ASTN2: variants seen among roughly 807,000 people sequenced by gnomAD.
ASTN2 encodes the protein astrotactin-2.
A neutral mutation model predicts 139.8 loss-of-function variants in ASTN2; 54 were observed. The observed-to-expected ratio is 0.39, with a 90% CI of 0.31 to 0.48. The LOEUF is 0.48. ASTN2 is among the 20% of genes least tolerant of loss of function. The pLI is 0.95. For missense variants in ASTN2, 1,565 were observed against 1,725.1 expected (o/e 0.91, Z 1.64); for synonymous variants, 756 against 719.5 (o/e 1.05, Z -0.81).
At chr9:116,617,535 CA>C (rs1020443533) in intron 19 of ASTN2, among the ~76,000 whole-genome samples, 3 of 152,182 alleles carry the variant, frequency 2.0e-5, no homozygotes, top group African/African-American at 7.2e-5. Flanking sequence ...GGCGATACCA[CA>C]AGCTGAATAA....
At chr9:116,571,885 T>C (rs1193537087) in intron 19 of ASTN2, among the ~76,000 whole-genome samples, 2 of 152,268 alleles carry the variant, frequency 1.3e-5, no homozygotes, top group East Asian at 3.9e-4. Flanking sequence ...CCCTGTTGGG[T>C]GATGTGCTCA....
rs9299245 is a variant in ASTN2, at chr9:117,147,015, C to T, written c.1016-5537G>A. On this transcript the variant is annotated intron_variant, in intron 3 of 22. Coordinates refer to ENST00000313400, the MANE Select transcript of ASTN2 (RefSeq NM_001365068.1). ...TATATCAAAATATCATACCGTACCC[C>T]ATAAGTCTGTACAATTATTATGTGT... Among the ~76,000 whole-genome samples, 702 of 152,154 alleles carry T rather than the reference C, an allele frequency of 4.6e-3. 7 individuals carry two copies. Among genetic ancestry groups the T allele is most frequent in the African/African-American group, 0.016 (658 of 41,518 alleles).
chr9:116,447,856 A>C (rs1401967359), intron 20 of ASTN2, among the ~76,000 whole-genome samples: 2 of 152,190 alleles, frequency 1.3e-5, no homozygotes, highest in Non-Finnish European at 2.9e-5. Flanking sequence ...TTCACCCCCA[A>C]CTGGAGTAAG....
intron 2 of ASTN2, among the ~76,000 whole-genome samples, chr9:117,251,581 T>C (rs1368098202): frequency 1.3e-5 from 2 of 152,178 alleles, no homozygotes; most frequent in Admixed American, 6.5e-5. Context: ...CCTGAATAAA[T>C]GAATTTCAAC....
intron 4 of ASTN2, among the ~76,000 whole-genome samples, chr9:117,130,955 C>G (rs1445192464): frequency 6.6e-6 from 1 of 152,190 alleles, no homozygotes; most frequent in Non-Finnish European, 1.5e-5. Context: ...ATCTCATATC[C>G]TCACTATGTT....
chr9:117,099,713 G>C (rs1391325405), intron 4 of ASTN2, among the ~76,000 whole-genome samples: 3 of 152,212 alleles, frequency 2.0e-5, no homozygotes, highest in Non-Finnish European at 4.4e-5. Flanking sequence ...GTCACAGCTT[G>C]TAAGTAGCAG....
intron 4 of ASTN2, among the ~76,000 whole-genome samples, chr9:117,131,796 A>G (rs73657672): frequency 0.021 from 3,147 of 152,280 alleles, 99 homozygotes; most frequent in Middle Eastern, 0.075. Flanking sequence ...TACCTTACAT[A>G]TATCGATTTA....
intron 2 of ASTN2, among the ~76,000 whole-genome samples, chr9:117,260,735 T>C (rs77535644): frequency 0.026 from 4,026 of 152,230 alleles, 167 homozygotes; most frequent in African/African-American, 0.09. Context: ...CCTGGAGCCA[T>C]CTATTTCTCT....
chr9:116,819,451 C>T (rs1831423590), intron 12 of ASTN2, among the ~76,000 whole-genome samples: 1 of 152,114 alleles, frequency 6.6e-6, no homozygotes, highest in Non-Finnish European at 1.5e-5. Context: ...CACAAAGGCA[C>T]CTGCAGCCCT....
chr9:117,408,147 AT>A (rs35658539), intron 1 of ASTN2, among the ~76,000 whole-genome samples: 16,045 of 142,060 alleles, frequency 0.11, 1,275 homozygotes, highest in South Asian at 0.3. Context: ...TTCCTTGTAG[AT>A]TTTTTTTTTT....
intron 19 of ASTN2, among the ~76,000 whole-genome samples, chr9:116,515,647 G>T (rs757453117): frequency 1.3e-5 from 2 of 152,120 alleles, no homozygotes; most frequent in Non-Finnish European, 2.9e-5. Flanking sequence ...CCATTTTCTT[G>T]TCTTTTAAAT....
At chr9:117,140,530 G>C (rs1830048939) in intron 4 of ASTN2, among the ~76,000 whole-genome samples, 1 of 151,888 alleles carries the variant, frequency 6.6e-6, no homozygotes, top group African/African-American at 2.4e-5. Flanking sequence ...GATGGTAGAA[G>C]AAGAAAGAAG....
intron 2 of ASTN2, among the ~76,000 whole-genome samples, chr9:117,235,015 C>T (rs530033889): frequency 6.6e-6 from 1 of 152,126 alleles, no homozygotes; most frequent in Non-Finnish European, 1.5e-5. Context: ...AGGTGGATCA[C>T]CTGAGGTCAG....
chr9:117,016,813 TTA>T (rs11378164), intron 6 of ASTN2, among the ~76,000 whole-genome samples: 55 of 92,566 alleles, frequency 5.9e-4, no homozygotes, highest in Non-Finnish European at 5.1e-4. Flanking sequence ...TATATATGTT[TTA>T]TATATATATA....
chr9:116,646,761 A>G (rs974545362), intron 17 of ASTN2, among the ~76,000 whole-genome samples: 2 of 152,202 alleles, frequency 1.3e-5, no homozygotes, highest in Non-Finnish European at 2.9e-5. Flanking sequence ...TGCAAGGATC[A>G]CTAAGAGGAA....
intron 19 of ASTN2, chr9:116,551,008 G>A (rs913120058): frequency 1.3e-5 from 2 of 152,264 alleles, no homozygotes; most frequent in African/African-American, 4.8e-5. Context: ...GTGGAGCCAG[G>A]AGAGAAGGGG....
chr9:116,801,585 C>CAAAAAAAA (rs397893932), intron 13 of ASTN2, among the ~76,000 whole-genome samples: 96 of 60,362 alleles, frequency 1.6e-3, no homozygotes, highest in East Asian at 2.5e-3. Flanking sequence ...GGCTCTGTCT[C>CAAAAAAAA]AAAAAAAAAA....
intron 1 of ASTN2, among the ~76,000 whole-genome samples, chr9:117,303,580 A>G (rs1259549579): frequency 6.6e-6 from 1 of 152,122 alleles, no homozygotes; most frequent in East Asian, 1.9e-4. Flanking sequence ...TGCCTTGTCT[A>G]TCTCTGCTCT....
In ASTN2 at chr9:116,868,290, G is replaced by A. The variant is rs996973157; in HGVS notation, c.1890-4557C>T. Among the ~76,000 whole-genome samples, 4 of 152,138 alleles carry A rather than the reference G, an allele frequency of 2.6e-5. 1 individual carries two copies. Among genetic ancestry groups the A allele is most frequent in the Admixed American group, 1.3e-4 (2 of 15,276 alleles). On this transcript the variant is annotated intron_variant, in intron 10 of 22. Transcript: ENST00000313400. Reference sequence around the variant, plus strand: ...CCCAATGTGCAGCTGGAGAAACAGGGGCTTAGGGAAGTTATGTCACTTGCT... The same window carrying A: ...CCCAATGTGCAGCTGGAGAAACAGGAGCTTAGGGAAGTTATGTCACTTGCT...
Sources: allele counts gnomAD v4.1 joint callset (sites outside exome capture counted in the v4.1 genomes callset), GRCh38; gene constraint gnomAD v4.1.1; transcripts MANE v1.5; gene names NCBI Gene and HGNC (gene_info 2026-07-23, HGNC 2026-07-21).